Variants in GPM6B observed in about 807,000 individuals in gnomAD.
The protein encoded by GPM6B is glycoprotein M6B.
A neutral mutation model predicts 27.2 loss-of-function variants in GPM6B; 4 were observed. That is an observed-to-expected ratio of 0.15 (90% CI 0.07 to 0.34). The LOEUF (loss-of-function observed/expected upper bound fraction) is 0.34, where lower values mean the gene tolerates loss of function less well. Ranked by LOEUF, GPM6B falls within the 10% of genes least tolerant of loss-of-function variation. The probability of loss-of-function intolerance (pLI) is 1.00; values close to 1 mark genes in which losing one functional copy is unlikely to be tolerated. For synonymous variants in GPM6B, 124 were observed against 103.1 expected, an observed-to-expected ratio of 1.20 and a Z score of -1.23; for missense variants, 183 against 261.9, an observed-to-expected ratio of 0.70 and a Z score of 2.08.
chrX:13,919,850 G>T (rs1454302824), intron 1 of GPM6B, among the ~76,000 whole-genome samples: 1 of 111,641 alleles, frequency 9.0e-6, no homozygotes, highest in South Asian at 3.7e-4. Flanking sequence ...TTCTCCAAAG[G>T]AGCTGTTGAA....
intron 1 of GPM6B, among the ~76,000 whole-genome samples, chrX:13,838,804 G>C (rs1312084861): frequency 9.0e-6 from 1 of 111,637 alleles, no homozygotes; most frequent in African/African-American, 3.3e-5. Flanking sequence ...GCCTTTATTA[G>C]AGGCCTAGAC....
At chrX:13,869,355 GGTT>G (rs1373622043) in intron 1 of GPM6B, among the ~76,000 whole-genome samples, 2 of 99,392 alleles carry the variant, frequency 2.0e-5, no homozygotes, top group African/African-American at 3.5e-5. Context: ...AATGGATATA[GGTT>G]GTTTTTTTTT....
chrX:13,866,194 T>A (rs1467757286), intron 1 of GPM6B, among the ~76,000 whole-genome samples: 1 of 111,468 alleles, frequency 9.0e-6, no homozygotes, highest in East Asian at 2.8e-4. Flanking sequence ...AGAAACCCCG[T>A]CTCTACTAAA....
chrX:13,773,794 TTTCTC>T (rs1393577853), intron 7 of GPM6B: 1 of 148,623 alleles, frequency 6.7e-6, no homozygotes, highest in Non-Finnish European at 1.1e-5. Context: ...CCAGGCCTAT[TTTCTC>T]TTCCCGTTAA....
intron 4 of GPM6B, 100 bp from the exon 5 acceptor site, chrX:13,780,089 T>C: frequency 1.5e-6 from 1 of 676,251 alleles, no homozygotes; most frequent in Non-Finnish European, 2.1e-6. Flanking sequence ...TACTGACCTG[T>C]GGAACACATT....
chrX:13,829,882 A>T (rs866465810), intron 1 of GPM6B, among the ~76,000 whole-genome samples: 2 of 70,617 alleles, frequency 2.8e-5, no homozygotes, highest in South Asian at 5.9e-4. Context: ...TTTTTTTTTT[A>T]AAGCACAGTG....
At chrX:13,807,528 G>A (rs1223784424) in intron 2 of GPM6B, 122 bp downstream of exon 2, 15 of 513,547 alleles carry the variant, frequency 2.9e-5, no homozygotes, top group East Asian at 3.7e-5. Context: ...ACCCATGCCC[G>A]TGTGAACAAA....
chrX:13,786,528 C>A (rs2048615844), intron 2 of GPM6B, among the ~76,000 whole-genome samples: 1 of 110,706 alleles, frequency 9.0e-6, no homozygotes, highest in Admixed American at 9.6e-5. Flanking sequence ...ATGCTTCCCC[C>A]CAGCCCAGTC....
intron 1 of GPM6B, among the ~76,000 whole-genome samples, chrX:13,915,098 T>C (rs2050414954): frequency 9.3e-6 from 1 of 107,602 alleles, no homozygotes; most frequent in Non-Finnish European, 1.9e-5. Flanking sequence ...TGGGACCCCA[T>C]CTCTACCAGA....
intron 1 of GPM6B, among the ~76,000 whole-genome samples, chrX:13,832,817 CA>C (rs1015113171): frequency 2.7e-5 from 3 of 111,654 alleles, no homozygotes. Context: ...CCAGGTCAAA[CA>C]TAAAATATCC....
intron 1 of GPM6B, among the ~76,000 whole-genome samples, chrX:13,865,435 G>A (rs1052114851): frequency 1.9e-5 from 2 of 103,052 alleles, no homozygotes; most frequent in Non-Finnish European, 3.9e-5. Flanking sequence ...AATAGGCAAA[G>A]AAAACCCCAT....
At chrX:13,831,177 TACACACACACACACACACACACACAC>T (rs536337642) in intron 1 of GPM6B, among the ~76,000 whole-genome samples, 2 of 81,635 alleles carry the variant, frequency 2.4e-5, no homozygotes, top group Non-Finnish European at 4.7e-5. Context: ...AAGAGCTCAG[TACACACACACACACACACACACACAC>T]ACACACACAC....
Position 13,773,034 on chromosome X carries a change from G to C in GPM6B, c.838-4C>G. On this transcript the variant is annotated splice_polypyrimidine_tract_variant and splice_region_variant and intron_variant, in intron 7 of 7. Transcript: ENST00000316715. ...ACAGTATCATGAGGAAGTGGATCTG[G>C]AAGAGAAGGGTGAGCATGATGGCTA... 3 of 1,207,637 alleles carry C rather than the reference G, an allele frequency of 2.5e-6. No homozygotes were observed. Among genetic ancestry groups the C allele is most frequent in the Non-Finnish European group, 3.4e-6 (3 of 892,142 alleles).
chrX:13,799,017 A>G (rs1199948285), intron 2 of GPM6B, among the ~76,000 whole-genome samples: 1 of 110,966 alleles, frequency 9.0e-6, no homozygotes, highest in East Asian at 2.8e-4. Flanking sequence ...CCCACCCTCA[A>G]GATTCTGAAT....
At position 13,772,688 on chromosome X, in the gene GPM6B, A is replaced by G. The variant is rs182959100; in HGVS notation, c.*193T>C. ...TTAAAATGGCTAACATGAAACCTCC[A>G]ATATTTGTTCTAAAGAAAAAGATTT... On this transcript the variant is annotated 3_prime_UTR_variant, in exon 8 of 8. Transcript: ENST00000316715. 290 of 355,141 alleles carry G rather than the reference A, an allele frequency of 8.2e-4. 1 individual carries two copies. The highest frequency in any genetic ancestry group is 4.3e-3 in the Admixed American group (89 of 20,909). The allele number at this position is 355,141 out of a possible 1,213,427, so 29.3% of individuals were successfully genotyped here.
intron 1 of GPM6B, among the ~76,000 whole-genome samples, chrX:13,877,824 C>CAAAAAAAA (rs761891419): frequency 0.015 from 401 of 27,450 alleles, 46 homozygotes; most frequent in East Asian, 0.042. Flanking sequence ...CAGACTCTGC[C>CAAAAAAAA]AAAAAAAAAA....
chrX:13,863,972 T>C (rs1447204202), intron 1 of GPM6B, among the ~76,000 whole-genome samples: 1 of 111,673 alleles, frequency 9.0e-6, no homozygotes, highest in Non-Finnish European at 1.9e-5. Flanking sequence ...ATTTATGATA[T>C]CTTATTATAT....
intron 1 of GPM6B, among the ~76,000 whole-genome samples, chrX:13,832,123 T>C (rs1413729758): frequency 1.8e-5 from 2 of 111,479 alleles, no homozygotes; most frequent in African/African-American, 6.5e-5. Flanking sequence ...GAGGAATATA[T>C]TTGCCAGCCC....
At chrX:13,867,723 G>A (rs2049934315) in intron 1 of GPM6B, among the ~76,000 whole-genome samples, 1 of 111,545 alleles carries the variant, frequency 9.0e-6, no homozygotes, top group Non-Finnish European at 1.9e-5. Flanking sequence ...AAGATGAGGA[G>A]GACCTGAAAA....
Sources: allele counts gnomAD v4.1 joint callset (sites outside exome capture counted in the v4.1 genomes callset), GRCh38; gene constraint gnomAD v4.1.1; transcripts MANE v1.5; gene names NCBI Gene and HGNC (gene_info 2026-07-23, HGNC 2026-07-21).